The following BMP2K variants were observed in gnomAD, a reference collection of about 807,000 sequenced individuals.
The protein encoded by BMP2K is BMP2 inducible kinase, also known as BMP-2-inducible protein kinase.
BMP2K carries 74 observed loss-of-function variants against 116.0 expected under a neutral mutation model. The ratio of observed to expected loss-of-function variants is 0.64; its 90% confidence interval spans 0.53 to 0.77. The LOEUF (loss-of-function observed/expected upper bound fraction) is 0.77, where lower values mean the gene tolerates loss of function less well. Among genes scored for constraint, BMP2K ranks in the 30% least tolerant of loss-of-function variants. BMP2K has a pLI of 0.00. For synonymous variants in BMP2K, 486 were observed against 502.5 expected, an observed-to-expected ratio of 0.97 and a Z score of 0.44; for missense variants, 1,365 against 1,403.6, an observed-to-expected ratio of 0.97 and a Z score of 0.44.
chr4:78,880,384 TGGAAGG>T (rs1195530775), intron 14 of BMP2K, among the ~76,000 whole-genome samples: 1 of 152,198 alleles, frequency 6.6e-6, no homozygotes, highest in Non-Finnish European at 1.5e-5. Context: ...TTCAGAGTTA[TGGAAGG>T]GGTAGATACA....
chr4:78,867,615 C>T (rs1020259601), intron 10 of BMP2K, among the ~76,000 whole-genome samples: 8 of 152,078 alleles, frequency 5.3e-5, no homozygotes, highest in African/African-American at 1.2e-4. Context: ...TTAAAATATT[C>T]GGATTATACA....
chr4:78,890,107 G>A (rs1024222205), intron 15 of BMP2K, among the ~76,000 whole-genome samples: 1 of 151,504 alleles, frequency 6.6e-6, no homozygotes. Flanking sequence ...AAAGTGATTT[G>A]TAAATTGAAA....
chr4:78,825,929 T>G, intron 1 of BMP2K, 108 bp from the exon 2 acceptor site: 1 of 836,748 alleles, frequency 1.2e-6, no homozygotes, highest in Non-Finnish European at 1.9e-6. Flanking sequence ...GTTTTTGTCT[T>G]GGGTACAATC....
intron 1 of BMP2K, among the ~76,000 whole-genome samples, chr4:78,795,498 A>G (rs1293860404): frequency 6.6e-6 from 1 of 152,174 alleles, no homozygotes; most frequent in Non-Finnish European, 1.5e-5. Flanking sequence ...CATGTCTAAA[A>G]CACCAAAAGC....
At chr4:78,794,161 G>A (rs2109939768) in intron 1 of BMP2K, among the ~76,000 whole-genome samples, 1 of 152,186 alleles carries the variant, frequency 6.6e-6, no homozygotes, top group East Asian at 1.9e-4. Flanking sequence ...AGTTACTTGG[G>A]TACTGCTTGT....
At chr4:78,817,556 G>C (rs6845695) in intron 1 of BMP2K, among the ~76,000 whole-genome samples, 9,498 of 152,174 alleles carry the variant, frequency 0.062, 406 homozygotes, top group East Asian at 0.22. Context: ...CCCCATGCTA[G>C]GTACACCACT....
At chr4:78,861,949 GTATT>G (rs1471509404) in intron 9 of BMP2K, among the ~76,000 whole-genome samples, 3 of 151,856 alleles carry the variant, frequency 2.0e-5, no homozygotes, top group Middle Eastern at 3.4e-3. Flanking sequence ...ATTTTTCAGA[GTATT>G]TATTATATTA....
chr4:78,807,562 TC>T (rs1728879572), intron 1 of BMP2K, among the ~76,000 whole-genome samples: 2 of 152,072 alleles, frequency 1.3e-5, no homozygotes, highest in Middle Eastern at 3.4e-3. Context: ...TTTCTTTTTT[TC>T]TTTTTTCTTT....
chr4:78,851,532 T>C (rs1731251818), intron 7 of BMP2K, among the ~76,000 whole-genome samples: 1 of 152,026 alleles, frequency 6.6e-6, no homozygotes, highest in Admixed American at 6.6e-5. Flanking sequence ...TAACACGGAG[T>C]GTGTCTAGCA....
At chr4:78,910,177 C>T (rs1734510081) in intron 15 of BMP2K, among the ~76,000 whole-genome samples, 1 of 152,124 alleles carries the variant, frequency 6.6e-6, no homozygotes, top group Non-Finnish European at 1.5e-5. Context: ...AGCAGGCAGG[C>T]TGTTCATGCT....
At chr4:78,903,606 A>C (rs1221700438) in intron 15 of BMP2K, among the ~76,000 whole-genome samples, 1 of 151,970 alleles carries the variant, frequency 6.6e-6, no homozygotes, top group Non-Finnish European at 1.5e-5. Flanking sequence ...TTGGATGTTT[A>C]TCTCTCATGG....
At chr4:78,857,953 C>T (rs1257859495) in intron 7 of BMP2K, among the ~76,000 whole-genome samples, 1 of 151,956 alleles carries the variant, frequency 6.6e-6, no homozygotes, top group Non-Finnish European at 1.5e-5. Flanking sequence ...TAACTGACCT[C>T]ATTATCCTGT....
chr4:78,785,757 C>T (rs751100666), intron 1 of BMP2K, among the ~76,000 whole-genome samples: 3 of 152,086 alleles, frequency 2.0e-5, no homozygotes, highest in Non-Finnish European at 4.4e-5. Context: ...CTTTTGTTTC[C>T]AATGCTGTCA....
chr4:78,783,380 G>A (rs567547233), intron 1 of BMP2K, among the ~76,000 whole-genome samples: 17 of 152,244 alleles, frequency 1.1e-4, no homozygotes, highest in African/African-American at 3.1e-4. Flanking sequence ...TTGATTGTCC[G>A]TTAATGTATT....
chr4:78,856,009 A>G (rs1731489394), intron 7 of BMP2K, among the ~76,000 whole-genome samples: 1 of 152,100 alleles, frequency 6.6e-6, no homozygotes, highest in Non-Finnish European at 1.5e-5. Flanking sequence ...TTTTAGGTGA[A>G]CTGGACACAT....
At chr4:78,898,598 AATC>A (rs575756375) in intron 15 of BMP2K, among the ~76,000 whole-genome samples, 521 of 150,632 alleles carry the variant, frequency 3.5e-3, no homozygotes, top group Non-Finnish European at 6.1e-3. Flanking sequence ...CTGTATATCT[AATC>A]ATATTCCTTT....
chr4:78,869,499 A>G (rs558815600), intron 10 of BMP2K, among the ~76,000 whole-genome samples: 2 of 152,308 alleles, frequency 1.3e-5, no homozygotes, highest in East Asian at 3.9e-4. Flanking sequence ...ATAATTTCAA[A>G]TAGGTAGAAA....
In BMP2K at chr4:78,875,643, G is replaced by T. The variant is rs559242247; in HGVS notation, c.1793+2845G>T. 3.3e-5 allele frequency among the ~76,000 whole-genome samples: 5 copies of T among 152,138 alleles called. No homozygotes were observed. In the East Asian group the frequency reaches 9.8e-4, roughly 30 times the overall value. ...ACTTTCTTTGGATCAGAAATTTAGG[G>T]GTGGCTTAACAGGGTGGTTGTGTCT... On this transcript the variant is annotated intron_variant, in intron 13 of 15. Coordinates refer to ENST00000502613, the MANE Select transcript of BMP2K (RefSeq NM_198892.2).
At position 78,842,481 on chromosome 4, in the gene BMP2K, C is replaced by T; in HGVS notation, c.500C>T (p.Ala167Val). The change falls in exon 4 of 16, where the codon GCA becomes GTA. Residue 167 changes from alanine (A) to valine (V), a missense_variant. By Grantham distance (64) the Ala-to-Val change is moderately conservative (BLOSUM62 0). This residue lies in a region of BMP2K where 762 missense variants were observed against 756.7 expected (regional missense o/e 1.01). Coordinates refer to ENST00000502613, the MANE Select transcript of BMP2K (RefSeq NM_198892.2). ...QIFCDTCEAV[A>V]RLHQCKTPII... ...TTCTGTGATACCTGTGAAGCTGTTGCAAGGTTGCATCAGTGTAAGACTCCA... is the reference window on the plus strand; with the variant it reads ...TTCTGTGATACCTGTGAAGCTGTTGTAAGGTTGCATCAGTGTAAGACTCCA... 1.2e-6 allele frequency: 2 copies of T among 1,607,564 alleles called. No individual in the cohort carries two copies. Among genetic ancestry groups the T allele is most frequent in the South Asian group, 2.2e-5 (2 of 90,408 alleles).
Sources: allele counts gnomAD v4.1 joint callset (sites outside exome capture counted in the v4.1 genomes callset), GRCh38; gene constraint gnomAD v4.1.1; regional missense constraint gnomAD v4.1.1; transcripts MANE v1.5; gene names NCBI Gene and HGNC (gene_info 2026-07-23, HGNC 2026-07-21).